Variants in DNAJC25 observed in about 807,000 individuals in gnomAD.
The protein encoded by DNAJC25 is dnaJ homolog subfamily C member 25.
A neutral mutation model predicts 42.1 loss-of-function variants in DNAJC25; 26 were observed. The ratio of observed to expected loss-of-function variants is 0.62; its 90% CI spans 0.45 to 0.86. DNAJC25 has a LOEUF of 0.86. Ranked by LOEUF, DNAJC25 falls within the 40% of genes least tolerant of loss-of-function variation. DNAJC25 has a pLI of 0.00. For missense variants in DNAJC25, 404 were observed against 459.4 expected (o/e 0.88, Z 1.10); for synonymous variants, 189 against 179.9 (o/e 1.05, Z -0.40).
At chr9:111,634,726 GTT>G (rs75920536) in intron 1 of DNAJC25, among the ~76,000 whole-genome samples, 3 of 146,564 alleles carry the variant, frequency 2.0e-5, no homozygotes, top group South Asian at 4.4e-4. Flanking sequence ...AGGGGGTTTT[GTT>G]TTTTTTTTTA....
chr9:111,650,128 T>G (rs1295065937), intron 3 of DNAJC25, among the ~76,000 whole-genome samples: 1 of 152,216 alleles, frequency 6.6e-6, no homozygotes, highest in East Asian at 1.9e-4. Flanking sequence ...TTTTAGAGGA[T>G]GAACTTCAAA....
At chr9:111,643,190 A>G (rs1321280322) in intron 1 of DNAJC25, 2 of 249,890 alleles carry the variant, frequency 8.0e-6, no homozygotes, top group East Asian at 9.1e-5. Flanking sequence ...TGCCAAACTG[A>G]AGTTTTTATG....
intron 1 of DNAJC25, among the ~76,000 whole-genome samples, chr9:111,638,739 A>G (rs1268801944): frequency 6.6e-6 from 1 of 151,932 alleles, no homozygotes; most frequent in African/African-American, 2.4e-5. Flanking sequence ...TTTCTCCCTC[A>G]TTCGACTTTT....
At chr9:111,652,894 G>A (rs896177297) in intron 3 of DNAJC25, among the ~76,000 whole-genome samples, 2 of 151,758 alleles carry the variant, frequency 1.3e-5, no homozygotes, top group African/African-American at 4.9e-5. Flanking sequence ...GTTTAACACT[G>A]AATGTTAAAA....
Position 111,647,087 on chromosome 9 carries a change from G to T in DNAJC25, c.337-20G>T. The T allele has an allele frequency of 6.2e-7, 1 of 1,611,478 alleles. No individual in the cohort carries two copies. The highest frequency in any genetic ancestry group is 2.2e-5 in the East Asian group (1 of 44,828). On this transcript the variant is annotated intron_variant, in intron 1 of 3. Transcript: ENST00000313525. The stretch of plus-strand genomic sequence containing the variant: ...TTTAATGGACTGTCCTATGAAGTTG[G>T]ATATCTTGTCATTTTACAGGATGAA...
At chr9:111,633,089 A>T (rs1471678730) in intron 1 of DNAJC25, among the ~76,000 whole-genome samples, 1 of 152,214 alleles carries the variant, frequency 6.6e-6, no homozygotes, top group African/African-American at 2.4e-5. Flanking sequence ...GATGGAAAAA[A>T]GACTCCAGAA....
chr9:111,647,595 G>C (rs1301370656), intron 2 of DNAJC25, among the ~76,000 whole-genome samples: 4 of 152,078 alleles, frequency 2.6e-5, no homozygotes. Flanking sequence ...ATTAAACTTG[G>C]GAGAAATCTG....
At position 111,647,881 on chromosome 9, in the gene DNAJC25, C is replaced by T. The variant is rs1345878398; in HGVS notation, c.489+622C>T. 4.6e-5 allele frequency among the ~76,000 whole-genome samples: 7 copies of T among 152,192 alleles called. No homozygotes were observed. In the South Asian group the frequency reaches 6.2e-4, roughly 14 times the overall value. Reference sequence around the variant, plus strand: ...GCAACCTCCGCCTCCTGGGTTCAAGCGATTCCCCTGCCTCAGCCTCCTGAG... The same window carrying T: ...GCAACCTCCGCCTCCTGGGTTCAAGTGATTCCCCTGCCTCAGCCTCCTGAG... On this transcript the variant is annotated intron_variant, in intron 2 of 3. Coordinates refer to ENST00000313525, the MANE Select transcript of DNAJC25 (RefSeq NM_001015882.3).
In DNAJC25 at chr9:111,631,376, C is replaced by A. The variant is rs1335530234; in HGVS notation, c.-32C>A. On this transcript the variant is annotated 5_prime_UTR_variant, in exon 1 of 4. It adds an upstream start codon to the 5' untranslated region. Coordinates refer to ENST00000313525, the MANE Select transcript of DNAJC25 (RefSeq NM_001015882.3). ...CGCGCGGCTGAGTGCTGCAGAATCG[C>A]TGGGGTGGCAGAGCCGCCAGCGAGG... The A allele has an allele frequency of 2.4e-6, 3 of 1,272,922 alleles. No individual in the cohort carries two copies. The highest frequency in any genetic ancestry group is 1.6e-5 in the African/African-American group (1 of 64,434). 78.9% of individuals were successfully genotyped at this position (1,272,922 alleles called of 1,614,324 possible). A position where few individuals can be genotyped will look rare whatever the true frequency, so the allele number is the denominator to read the frequency against.
rs992405467 is a variant in DNAJC25 at position 111,654,342 on chromosome 9, T to C, written c.*1120T>C. The C allele has an allele frequency of 6.6e-6, 1 of 152,268 alleles. No individual in the cohort carries two copies. The highest frequency in any genetic ancestry group is 2.4e-5 in the African/African-American group (1 of 41,466). 9.4% of individuals were successfully genotyped at this position (152,268 alleles called of 1,614,324 possible). ...CTTCATATTAATAAAATGGTTACAA[T>C]ATATCACAAGTTTGTTGATATGACG... On this transcript the variant is annotated 3_prime_UTR_variant, in exon 4 of 4. Transcript: ENST00000313525.
At chr9:111,642,615 A>C (rs1830496270) in intron 1 of DNAJC25, among the ~76,000 whole-genome samples, 1 of 114,774 alleles carries the variant, frequency 8.7e-6, no homozygotes, top group African/African-American at 4.7e-5. Context: ...ATAAATAAAT[A>C]AATAAATAAA....
chr9:111,635,519 T>G (rs4978453), intron 1 of DNAJC25, among the ~76,000 whole-genome samples: 6,696 of 152,138 alleles, frequency 0.044, 378 homozygotes, highest in Admixed American at 0.12. Flanking sequence ...GTTCTGAGGG[T>G]TTTTAAGTGA....
chr9:111,648,822 T>C (rs1406100669), intron 2 of DNAJC25, among the ~76,000 whole-genome samples: 2 of 152,240 alleles, frequency 1.3e-5, no homozygotes, highest in African/African-American at 4.8e-5. Context: ...ATGGAGGTAC[T>C]ATGTGAGGAG....
chr9:111,646,922 T>G (rs1830575071), intron 1 of DNAJC25, 185 bp from the exon 2 acceptor site: 1 of 514,974 alleles, frequency 1.9e-6, no homozygotes, highest in Non-Finnish European at 3.1e-6. Context: ...ATATCTAACA[T>G]TGAAGTTCTG....
In DNAJC25 at chr9:111,635,321, T is replaced by A. The variant is rs138883983; in HGVS notation, c.336+3578T>A. On this transcript the variant is annotated intron_variant, in intron 1 of 3. Coordinates refer to ENST00000313525, the MANE Select transcript of DNAJC25 (RefSeq NM_001015882.3). ...AGCATTAATGTTATAAAAACTCTTA[T>A]CTGGAGGCATTCAGATAGAATGGAA... Among the ~76,000 whole-genome samples, 5 of 152,328 alleles carry A rather than the reference T, an allele frequency of 3.3e-5. No individual in the cohort carries two copies. The East Asian group carries it at 7.7e-4, about 23-fold the overall frequency.
In DNAJC25 at chr9:111,631,405, G is replaced by C; in HGVS notation, c.-3G>C. 7.8e-7 allele frequency: 1 copy of C among 1,277,018 alleles called. No individual in the cohort carries two copies. Among genetic ancestry groups the C allele is most frequent in the Admixed American group, 4.2e-5 (1 of 23,794 alleles). The allele number at this position is 1,277,018 out of a possible 1,614,324, so 79.1% of individuals were successfully genotyped here. On this transcript the variant is annotated 5_prime_UTR_variant, in exon 1 of 4. Transcript: ENST00000313525. ...GGTGGCAGAGCCGCCAGCGAGGCTG[G>C]GGATGGGGGCGCCGCTGCTCTCTCC...
chr9:111,649,983 G>A, intron 3 of DNAJC25, 60 bp downstream of exon 3: 1 of 1,411,180 alleles, frequency 7.1e-7, no homozygotes, highest in Non-Finnish European at 9.4e-7. Context: ...AAAATCAGGT[G>A]TATTATAATG....
intron 1 of DNAJC25, among the ~76,000 whole-genome samples, chr9:111,641,594 G>A (rs1430063284): frequency 9.6e-5 from 12 of 125,184 alleles, no homozygotes; most frequent in African/African-American, 3.9e-4. Flanking sequence ...TCGGCCCCCC[G>A]CCCGGCCAGC....
intron 1 of DNAJC25, among the ~76,000 whole-genome samples, chr9:111,641,307 T>C (rs1399543835): frequency 9.9e-5 from 11 of 111,018 alleles, no homozygotes; most frequent in African/African-American, 3.0e-4. Flanking sequence ...TACTGGGAAG[T>C]GAGGAGCCCC....
Sources: gnomAD v4.1 joint callset for allele counts (sites outside exome capture counted in the v4.1 genomes callset) on GRCh38, gnomAD v4.1.1 for gene constraint, MANE v1.5 for transcripts, NCBI Gene and HGNC (gene_info 2026-07-23, HGNC 2026-07-21) for gene names.